The following KLHL6 variants were observed in gnomAD, a reference collection of about 807,000 sequenced individuals.
KLHL6 encodes the protein kelch like family member 6.
In KLHL6, 41 loss-of-function variants were observed where a neutral mutation model predicts 58.6. The observed-to-expected ratio is 0.70, with a 90% CI of 0.55 to 0.91. KLHL6 has a LOEUF of 0.91. Ranked by LOEUF, KLHL6 falls within the 40% of genes least tolerant of loss-of-function variation. KLHL6 has a pLI of 0.00. For synonymous variants in KLHL6, 338 were observed against 322.7 expected, an observed-to-expected ratio of 1.05 and a Z score of -0.51; for missense variants, 714 against 805.6, an observed-to-expected ratio of 0.89 and a Z score of 1.38.
chr3:183,496,259 A>G (rs1717710460), intron 4 of KLHL6, among the ~76,000 whole-genome samples: 1 of 152,208 alleles, frequency 6.6e-6, no homozygotes, highest in Admixed American at 6.5e-5. Context: ...ATGAACAGAT[A>G]ATTTTTAAAA....
In KLHL6 at chr3:183,544,725, T is replaced by A. The variant is rs542377646; in HGVS notation, c.293+10636A>T. The A allele has an allele frequency of 2.7e-5, 4 of 149,276 alleles. No individual in the cohort carries two copies. In the Admixed American group the frequency reaches 2.7e-4, roughly 10 times the overall value. 9.2% of individuals were successfully genotyped at this position (149,276 alleles called of 1,614,324 possible). The stretch of plus-strand genomic sequence containing the variant: ...TTACAGGCCTCTCCGCCTTTCTATC[T>A]TCTGTCTCTCTCTCTGTCTCTCAAA... On this transcript the variant is annotated intron_variant, in intron 1 of 6. Transcript: ENST00000341319.
rs763111670 is a variant in KLHL6, at chr3:183,491,990, G to A, written c.1803C>T (p.Ser601=). The change falls in exon 7 of 7, where the codon AGC becomes AGT. Residue 601 remains serine (S), a synonymous_variant. Transcript: ENST00000341319. Reference sequence around the variant, plus strand: ...GGGTGTACGACTTCCTGATGGTGACGCTGCCGTGGTGCGACACGCCCCGGG... The same window carrying A: ...GGGTGTACGACTTCCTGATGGTGACACTGCCGTGGTGCGACACGCCCCGGG... The part of the protein sequence containing the change: ...VLPRGVSHHG[S]VTIRKSYTHI... 8 of 1,581,802 alleles carry A rather than the reference G, an allele frequency of 5.1e-6. No homozygotes were observed. Among genetic ancestry groups the A allele is most frequent in the South Asian group, 1.1e-5 (1 of 88,270 alleles).
At chr3:183,504,175 G>A (rs1717942370) in intron 3 of KLHL6, among the ~76,000 whole-genome samples, 2 of 152,200 alleles carry the variant, frequency 1.3e-5, no homozygotes, top group African/African-American at 4.8e-5. Context: ...CGAACCAAGT[G>A]GCAATGGCAA....
At chr3:183,505,190 TC>T (rs1417964999) in intron 3 of KLHL6, among the ~76,000 whole-genome samples, 1 of 151,948 alleles carries the variant, frequency 6.6e-6, no homozygotes, top group Non-Finnish European at 1.5e-5. Context: ...TTTCCTAGGC[TC>T]CCCCCATCAA....
chr3:183,494,259 A>G lies in KLHL6; in HGVS notation c.1170T>C (p.Asp390=). 6.2e-7 allele frequency: 1 copy of G among 1,614,036 alleles called. No homozygotes were observed. Among genetic ancestry groups the G allele is most frequent in the Non-Finnish European group, 8.5e-7 (1 of 1,179,856 alleles). ...YISGGKETQH[D]VWKYNSSINK... is the part of the protein sequence containing the mutation. ...TGATCGAAGAATTATATTTCCAAACATCATGCTGTGTTTCTTTGCCACCTG... is the reference window on the plus strand; with the variant it reads ...TGATCGAAGAATTATATTTCCAAACGTCATGCTGTGTTTCTTTGCCACCTG... Residue 390 remains aspartate (D), a synonymous_variant, in exon 5 of 7, where the codon GAT becomes GAC. Coordinates refer to ENST00000341319, the MANE Select transcript of KLHL6 (RefSeq NM_130446.4).
chr3:183,506,634 C>A (rs983131287), intron 3 of KLHL6, among the ~76,000 whole-genome samples: 1 of 151,944 alleles, frequency 6.6e-6, no homozygotes, highest in Non-Finnish European at 1.5e-5. Flanking sequence ...TCAAGACCAG[C>A]CTGGGCAACA....
At chr3:183,495,644 T>C (rs560044222) in intron 4 of KLHL6, among the ~76,000 whole-genome samples, 1 of 151,526 alleles carries the variant, frequency 6.6e-6, no homozygotes, top group Non-Finnish European at 1.5e-5. Flanking sequence ...ATTGTGAAGA[T>C]GTCAACCCTC....
At chr3:183,537,441 C>G (rs1198457946) in intron 1 of KLHL6, among the ~76,000 whole-genome samples, 1 of 152,208 alleles carries the variant, frequency 6.6e-6, no homozygotes, top group African/African-American at 2.4e-5. Context: ...AATAAAAACA[C>G]TTTCTAGAAA....
At chr3:183,513,460 C>T (rs973996512) in intron 2 of KLHL6, among the ~76,000 whole-genome samples, 1 of 152,258 alleles carries the variant, frequency 6.6e-6, no homozygotes, top group Admixed American at 6.5e-5. Context: ...TGCCAAACGT[C>T]ATTTGCACAC....
chr3:183,545,369 G>A (rs1006458311), intron 1 of KLHL6, among the ~76,000 whole-genome samples: 1 of 152,150 alleles, frequency 6.6e-6, no homozygotes, highest in Non-Finnish European at 1.5e-5. Flanking sequence ...TTAGACCCTT[G>A]TCCTGAAAAA....
chr3:183,531,131 GC>G (rs1480500955), intron 1 of KLHL6, among the ~76,000 whole-genome samples: 15 of 152,234 alleles, frequency 9.9e-5, no homozygotes, highest in Middle Eastern at 3.4e-3. Flanking sequence ...ACTGCACCCA[GC>G]CCTCACTATT....
At chr3:183,534,711 T>A (rs1712300351) in intron 1 of KLHL6, among the ~76,000 whole-genome samples, 1 of 151,948 alleles carries the variant, frequency 6.6e-6, no homozygotes, top group Admixed American at 6.6e-5. Flanking sequence ...GCCCCATTTT[T>A]AAAAAGTAAA....
At chr3:183,548,325 G>A (rs145997668) in intron 1 of KLHL6, among the ~76,000 whole-genome samples, 2 of 152,310 alleles carry the variant, frequency 1.3e-5, no homozygotes, top group Middle Eastern at 3.4e-3. Flanking sequence ...GGCAGAGGGA[G>A]GGGAGTCCTA....
At chr3:183,533,844 C>G (rs1286732520) in intron 1 of KLHL6, among the ~76,000 whole-genome samples, 1 of 151,916 alleles carries the variant, frequency 6.6e-6, no homozygotes, top group East Asian at 1.9e-4. Flanking sequence ...CCTTCCCTCC[C>G]CTCTTCTCTT....
At chr3:183,515,323 G>A in intron 2 of KLHL6, among the ~76,000 whole-genome samples, 1 of 152,178 alleles carries the variant, frequency 6.6e-6, no homozygotes, top group South Asian at 2.1e-4. Context: ...CAAGGTAGGA[G>A]AATCAATTGA....
At chr3:183,514,136 A>C (rs1711501981) in intron 2 of KLHL6, among the ~76,000 whole-genome samples, 1 of 152,260 alleles carries the variant, frequency 6.6e-6, no homozygotes, top group South Asian at 2.1e-4. Context: ...GAGCAGAGAC[A>C]AAGCGCCTGC....
Position 183,523,622 on chromosome 3 carries a change from C to T in KLHL6, c.459+4223G>A, listed in dbSNP as rs551176125. Among the ~76,000 whole-genome samples the T allele has an allele frequency of 2.6e-4, 40 of 152,348 alleles. No homozygotes were observed. The South Asian group carries it at 8.3e-3, about 32-fold the overall frequency. On this transcript the variant is annotated intron_variant, in intron 2 of 6. Transcript: ENST00000341319. ...GGTGAGAATGGTCTCCCTGACCTCA[C>T]ATCTTCTTGCTGCCTGCAGATAAGC...
At position 183,488,660 on chromosome 3, in the gene KLHL6, TG is replaced by T. The variant is rs1717463937; in HGVS notation, c.*3266del. On this transcript the variant is annotated 3_prime_UTR_variant, in exon 7 of 7. Transcript: ENST00000341319. Reference sequence around the variant, plus strand: ...CTTGGCTTTCCCCCTGCTGATGGTGTGGGTTATAACAGTTACCTTCCTGCAA... The same window carrying T: ...CTTGGCTTTCCCCCTGCTGATGGTGTGGTTATAACAGTTACCTTCCTGCAA... The T allele has an allele frequency of 6.6e-6, 1 of 152,294 alleles. No homozygotes were observed. The highest frequency in any genetic ancestry group is 2.1e-4 in the South Asian group (1 of 4,830). The allele number at this position is 152,294 out of a possible 1,614,324, so 9.4% of individuals were successfully genotyped here.
In KLHL6 at chr3:183,508,132, G is replaced by A. The variant is rs1718063644; in HGVS notation, c.836C>T (p.Pro279Leu). Reference sequence around the variant, plus strand: ...GACCTCTGGGCACTGCCTGATGAGAGGATCTGCTTCCACCGTCTCCACAAA... The same window carrying A: ...GACCTCTGGGCACTGCCTGATGAGAAGATCTGCTTCCACCGTCTCCACAAA... ...WYFVETVEAD[P>L]LIRQCPEVFP... Residue 279 changes from proline (P) to leucine (L), a missense_variant, in exon 3 of 7, where the codon CCT becomes CTT. By Grantham distance (98) the Pro-to-Leu change is moderately conservative. This residue lies in a region of KLHL6 where 510 missense variants were observed against 629.7 expected (regional missense o/e 0.81). Transcript: ENST00000341319. 6.2e-7 allele frequency: 1 copy of A among 1,614,074 alleles called. No homozygotes were observed. Among genetic ancestry groups the A allele is most frequent in the African/African-American group, 1.3e-5 (1 of 74,930 alleles).
Sources: allele counts gnomAD v4.1 joint callset (sites outside exome capture counted in the v4.1 genomes callset), GRCh38; gene constraint gnomAD v4.1.1; regional missense constraint gnomAD v4.1.1; transcripts MANE v1.5; gene names NCBI Gene and HGNC (gene_info 2026-07-23, HGNC 2026-07-21).